Variants in MBTPS1 observed in about 807,000 individuals in gnomAD.
The protein encoded by MBTPS1 is membrane-bound transcription factor site-1 protease.
In MBTPS1, 94 loss-of-function variants were observed where a neutral mutation model predicts 127.8. The ratio of observed to expected loss-of-function variants is 0.74; its 90% CI spans 0.62 to 0.87. The LOEUF (loss-of-function observed/expected upper bound fraction) is 0.87, where lower values mean the gene tolerates loss of function less well. Ranked by LOEUF, MBTPS1 falls within the 40% of genes least tolerant of loss-of-function variation. MBTPS1 has a pLI of 0.00. For synonymous variants in MBTPS1, 632 were observed against 509.4 expected (o/e 1.24, Z -3.24); for missense variants, 1,636 against 1,353.2 (o/e 1.21, Z -3.28).
chr16:84,086,804 A>C (rs888998010), intron 9 of MBTPS1, among the ~76,000 whole-genome samples: 1 of 152,178 alleles, frequency 6.6e-6, no homozygotes, highest in African/African-American at 2.4e-5. Context: ...TTTTTCATCA[A>C]ACTTTGACAG....
Position 84,070,598 on chromosome 16 carries a change from G to A in MBTPS1, c.1772C>T (p.Ala591Val). 6.2e-7 allele frequency: 1 copy of A among 1,612,010 alleles called. No individual in the cohort carries two copies. The highest frequency in any genetic ancestry group is 8.5e-7 in the Non-Finnish European group (1 of 1,179,678). ...GHVMITVASPAETESKNGAEQ... is the reference protein window; with the variant it reads ...GHVMITVASPVETESKNGAEQ... ...CCCGCATATCCCTACCTCTGTCTCTGCTGGGGAAGCCACAGTGATCATGAC... is the reference window on the plus strand; with the variant it reads ...CCCGCATATCCCTACCTCTGTCTCTACTGGGGAAGCCACAGTGATCATGAC... Residue 591 changes from alanine to valine, a missense_variant, in exon 13 of 23, where the codon GCA becomes GTA. Coordinates refer to ENST00000343411, the MANE Select transcript of MBTPS1 (RefSeq NM_003791.4).
At position 84,087,406 on chromosome 16, in the gene MBTPS1, G is replaced by C; in HGVS notation, c.1086C>G (p.Asp362Glu). The stretch of plus-strand genomic sequence containing the variant: ...AAAAGCGGGCGATGTTATCTTCAAA[G>C]TCAATGCCGCCTACTCCAATCACAT... ...QMDVIGVGGI[D>E]FEDNIARFSS... The change falls in exon 9 of 23, where the codon GAC becomes GAG. Residue 362 changes from aspartate to glutamate, a missense_variant. Asp to Glu is a conservative substitution (Grantham distance 45, BLOSUM62 2). Transcript: ENST00000343411. 8 of 1,611,434 alleles carry C rather than the reference G, an allele frequency of 5.0e-6. No individual in the cohort carries two copies. Among genetic ancestry groups the C allele is most frequent in the Non-Finnish European group, 6.8e-6 (8 of 1,179,542 alleles).
chr16:84,081,767 G>C lies in MBTPS1; in HGVS notation c.1428C>G (p.Asn476Lys). Residue 476 changes from asparagine (N) to lysine (K), a missense_variant, in exon 11 of 23, where the codon AAC becomes AAG. Coordinates refer to ENST00000343411, the MANE Select transcript of MBTPS1 (RefSeq NM_003791.4). The part of the protein sequence containing the change: ...LDLLRAYQIL[N>K]SYKPQASLSP... ...CTGACCTTGCCTGTGGCTTGTAGCT[G>C]TTGAGGATCTGATAGGCTCTGAGCA... 6.9e-7 allele frequency: 1 copy of C among 1,441,276 alleles called. No homozygotes were observed. The highest frequency in any genetic ancestry group is 9.2e-7 in the Non-Finnish European group (1 of 1,089,070). The allele number at this position is 1,441,276 out of a possible 1,614,324, so 89.3% of individuals were successfully genotyped here. A position where few individuals can be genotyped will look rare whatever the true frequency, so the allele number is the denominator to read the frequency against.
Position 84,060,818 on chromosome 16 carries a change from GA to G in MBTPS1, c.2573-6del. 1 of 1,568,648 alleles carries G rather than the reference GA, an allele frequency of 6.4e-7. No homozygotes were observed. Among genetic ancestry groups the G allele is most frequent in the Non-Finnish European group, 8.6e-7 (1 of 1,156,676 alleles). On this transcript the variant is annotated splice_polypyrimidine_tract_variant and splice_region_variant and intron_variant, in intron 19 of 22. Transcript: ENST00000343411. ...CATCCAGAAGCCAAAAGCAGTCTGCGAAGTCAACAAGCCTGTTTAGGAATTC... is the reference window on the plus strand; with the variant it reads ...CATCCAGAAGCCAAAAGCAGTCTGCGAGTCAACAAGCCTGTTTAGGAATTC...
At chr16:84,085,170 A>T in intron 9 of MBTPS1, 36 bp from the exon 10 acceptor site, 1 of 1,604,890 alleles carries the variant, frequency 6.2e-7, no homozygotes, top group Non-Finnish European at 8.5e-7. Flanking sequence ...TACATCTCGC[A>T]CATTGGCATA....
intron 10 of MBTPS1, among the ~76,000 whole-genome samples, chr16:84,082,487 A>G (rs1004073908): frequency 6.6e-6 from 1 of 152,196 alleles, no homozygotes; most frequent in Non-Finnish European, 1.5e-5. Flanking sequence ...CAGTTTCACC[A>G]TGAGAATGCA....
At chr16:84,058,559 G>A (rs1341910412) in intron 21 of MBTPS1, among the ~76,000 whole-genome samples, 2 of 152,190 alleles carry the variant, frequency 1.3e-5, no homozygotes, top group Non-Finnish European at 2.9e-5. Flanking sequence ...CTCAGGAGAA[G>A]CTCCCCCTTT....
rs2085827179 is a variant in MBTPS1 at position 84,074,715 on chromosome 16, G to C, written c.1475C>G (p.Thr492Ser). ...ASLSPSYIDL[T>S]ECPYMWPYCS... ...GTAGGGCCACATGTAGGGACACTCA[G>C]TCAGATCTATGTAGCTGGGGCTCAA... The change falls in exon 12 of 23, where the codon ACT (threonine) becomes AGT (serine). Residue 492 changes from threonine to serine, a missense_variant. Coordinates refer to ENST00000343411, the MANE Select transcript of MBTPS1 (RefSeq NM_003791.4). 1.2e-6 allele frequency: 2 copies of C among 1,613,944 alleles called. No individual in the cohort carries two copies. The highest frequency in any genetic ancestry group is 1.3e-5 in the African/African-American group (1 of 74,914).
intron 13 of MBTPS1, 38 bp downstream of exon 13, chr16:84,070,549 AC>A (rs1277605123): frequency 6.2e-7 from 1 of 1,600,058 alleles, no homozygotes; most frequent in East Asian, 2.2e-5. Context: ...GTGATGTCAA[AC>A]AGCTAAGAAA....
At chr16:84,099,820 G>T (rs1362912010) in intron 2 of MBTPS1, among the ~76,000 whole-genome samples, 1 of 148,490 alleles carries the variant, frequency 6.7e-6, no homozygotes, top group South Asian at 2.1e-4. Flanking sequence ...TAACCACAAA[G>T]AATACATCAT....
intron 3 of MBTPS1, among the ~76,000 whole-genome samples, chr16:84,098,497 C>T (rs566917616): frequency 1.8e-4 from 27 of 151,502 alleles, no homozygotes; most frequent in African/African-American, 6.3e-4. Context: ...GTAATCCCAG[C>T]TACTTGGGAG....
intron 6 of MBTPS1, 36 bp downstream of exon 6, chr16:84,093,152 A>C (rs1336920677): frequency 3.0e-6 from 4 of 1,330,654 alleles, no homozygotes; most frequent in African/African-American, 1.4e-5. Context: ...TTTCAGTATG[A>C]ATTCCTCAAG....
intron 8 of MBTPS1, 92 bp downstream of exon 8, chr16:84,090,783 G>C (rs2086093958): frequency 5.6e-6 from 5 of 896,826 alleles, no homozygotes; most frequent in Non-Finnish European, 7.3e-6. Context: ...ACATAAACAA[G>C]TAACCATAGG....
chr16:84,106,561 G>A (rs2086326259), intron 1 of MBTPS1, among the ~76,000 whole-genome samples: 1 of 152,164 alleles, frequency 6.6e-6, no homozygotes, highest in Non-Finnish European at 1.5e-5. Flanking sequence ...CCAGCGGGAA[G>A]CAAGGGAAAG....
intron 10 of MBTPS1, 86 bp from the exon 11 acceptor site, chr16:84,081,994 A>C: frequency 5.0e-6 from 5 of 998,246 alleles, no homozygotes; most frequent in Non-Finnish European, 6.7e-6. Context: ...AAACGTGCAC[A>C]CAAGAGGCCT....
At chr16:84,100,503 C>T (rs1433844266) in intron 2 of MBTPS1, among the ~76,000 whole-genome samples, 1 of 150,884 alleles carries the variant, frequency 6.6e-6, no homozygotes, top group Non-Finnish European at 1.5e-5. Flanking sequence ...GAGATGGTGC[C>T]ATTGCACTCC....
At chr16:84,087,228 G>A (rs905355510) in intron 9 of MBTPS1, 130 bp downstream of exon 9, 16 of 682,636 alleles carry the variant, frequency 2.3e-5, no homozygotes, top group South Asian at 5.2e-5. Flanking sequence ...TCACAGCCCC[G>A]GCTATTCCCA....
intron 3 of MBTPS1, among the ~76,000 whole-genome samples, chr16:84,098,726 T>A (rs1282020286): frequency 6.6e-6 from 1 of 152,200 alleles, no homozygotes; most frequent in Non-Finnish European, 1.5e-5. Flanking sequence ...GGCCGCAGCC[T>A]TGAAGTCTGA....
rs1024743236 is a variant in MBTPS1, at chr16:84,116,883, G to C, written c.-473C>G. On this transcript the variant is annotated 5_prime_UTR_variant, in exon 1 of 23. Transcript: ENST00000343411. ...GCGAGGCCCACAGCTGGGAGCCTCA[G>C]CTCCGCCGACCCAGCGTGCCCTGTC... 1.3e-5 allele frequency: 2 copies of C among 152,296 alleles called. No homozygotes were observed. The highest frequency in any genetic ancestry group is 4.8e-5 in the African/African-American group (2 of 41,470). The allele number at this position is 152,296 out of a possible 1,614,324, so 9.4% of individuals were successfully genotyped here.
Sources: allele counts gnomAD v4.1 joint callset (sites outside exome capture counted in the v4.1 genomes callset), GRCh38; gene constraint gnomAD v4.1.1; transcripts MANE v1.5; gene names NCBI Gene and HGNC (gene_info 2026-07-23, HGNC 2026-07-21).